Variants in LARP4B observed in about 807,000 individuals in gnomAD.
LARP4B encodes the protein La ribonucleoprotein 4B, also known as la-related protein 4B.
A neutral mutation model predicts 89.8 loss-of-function variants in LARP4B; 12 were observed. That is an observed-to-expected ratio of 0.13 (90% CI 0.09 to 0.22). LARP4B has a LOEUF of 0.22. LARP4B is among the 10% of genes least tolerant of loss of function. The pLI is 1.00. For synonymous variants in LARP4B, 367 were observed against 363.3 expected, an observed-to-expected ratio of 1.01 and a Z score of -0.12; for missense variants, 757 against 947.7, an observed-to-expected ratio of 0.80 and a Z score of 2.64.
chr10:861,098 G>T (rs552890223), intron 5 of LARP4B, among the ~76,000 whole-genome samples: 17 of 152,272 alleles, frequency 1.1e-4, no homozygotes, highest in East Asian at 5.8e-4. Flanking sequence ...GGAGGTTGCA[G>T]TGAGCCGAGA....
chr10:894,191 C>T (rs1836123100), intron 1 of LARP4B, among the ~76,000 whole-genome samples: 1 of 152,116 alleles, frequency 6.6e-6, no homozygotes, highest in Non-Finnish European at 1.5e-5. Context: ...TAAAACTGGG[C>T]CTCTAGGCAT....
chr10:877,680 G>C (rs1835511361), intron 3 of LARP4B, among the ~76,000 whole-genome samples: 1 of 152,186 alleles, frequency 6.6e-6, no homozygotes, highest in South Asian at 2.1e-4. Context: ...AGGAATTTAT[G>C]AGTAAACGGA....
chr10:938,960 C>T, the LARP4B span, among the ~76,000 whole-genome samples: 3 of 152,236 alleles, frequency 2.0e-5, no homozygotes, highest in South Asian at 2.1e-4. Flanking sequence ...GGACAAGTGG[C>T]GTGGTGAAAA....
the LARP4B span, among the ~76,000 whole-genome samples, chr10:941,461 C>A: frequency 6.6e-6 from 1 of 151,862 alleles, no homozygotes; most frequent in African/African-American, 2.4e-5. Flanking sequence ...TTACAGGCGC[C>A]TGCCACCATG....
At position 809,532 on chromosome 10, in the gene LARP4B, A is replaced by T. The variant is rs188098576; in HGVS notation, c.*3394T>A. 4 of 152,400 alleles carry T rather than the reference A, an allele frequency of 2.6e-5. No homozygotes were observed. The highest frequency in any genetic ancestry group is 1.3e-4 in the Admixed American group (2 of 15,302). 9.4% of individuals were successfully genotyped at this position (152,400 alleles called of 1,614,324 possible). A position where few individuals can be genotyped will look rare whatever the true frequency, so the allele number is the denominator to read the frequency against. ...AAGAAATTTTAATTTAAAAAAAATCAAAAGAAAAATTGAACAGTGCCTAAA... is the reference window on the plus strand; with the variant it reads ...AAGAAATTTTAATTTAAAAAAAATCTAAAGAAAAATTGAACAGTGCCTAAA... On this transcript the variant is annotated 3_prime_UTR_variant, in exon 18 of 18. Coordinates refer to ENST00000316157, the MANE Select transcript of LARP4B (RefSeq NM_015155.3).
chr10:917,441 A>G (rs189854979), intron 1 of LARP4B, among the ~76,000 whole-genome samples: 184 of 152,354 alleles, frequency 1.2e-3, no homozygotes, highest in African/African-American at 4.2e-3. Flanking sequence ...CACAATTAAG[A>G]CACTGGTTAT....
Position 920,847 on chromosome 10 carries a change from A to G in LARP4B, c.-40+10581T>C, listed in dbSNP as rs116474248. The stretch of plus-strand genomic sequence containing the variant: ...AGACTGATAACGATGGAACTGATAA[A>G]AAGAAAACACTCCATGCAACTGGGT... On this transcript the variant is annotated intron_variant, in intron 1 of 17. Coordinates refer to ENST00000316157, the MANE Select transcript of LARP4B (RefSeq NM_015155.3). Among the ~76,000 whole-genome samples the G allele has an allele frequency of 4.7e-3, 709 of 152,334 alleles. 4 individuals carry two copies. Among genetic ancestry groups the G allele is most frequent in the African/African-American group, 0.016 (681 of 41,560 alleles).
intron 1 of LARP4B, among the ~76,000 whole-genome samples, chr10:917,456 C>T (rs926899911): frequency 2.0e-5 from 3 of 152,178 alleles, no homozygotes; most frequent in Non-Finnish European, 4.4e-5. Context: ...GGTTATTCTA[C>T]CGACACTCTT....
At chr10:976,566 G>A in the LARP4B span, among the ~76,000 whole-genome samples, 1 of 133,532 alleles carries the variant, frequency 7.5e-6, no homozygotes, top group African/African-American at 2.9e-5. Context: ...GTAATGTGTG[G>A]CCGGCCTAGT....
intron 8 of LARP4B, among the ~76,000 whole-genome samples, chr10:833,295 T>C (rs28463752): frequency 0.018 from 1,690 of 93,276 alleles, 33 homozygotes; most frequent in African/African-American, 0.059. Context: ...CCTCAAAATG[T>C]TTGAAGAAAG....
intron 8 of LARP4B, among the ~76,000 whole-genome samples, chr10:833,337 C>T (rs1411662024): frequency 2.1e-5 from 3 of 142,700 alleles, no homozygotes; most frequent in African/African-American, 7.8e-5. Flanking sequence ...GCATACAAAG[C>T]CGTCCTGGGC....
At chr10:973,637 C>A in the LARP4B span, among the ~76,000 whole-genome samples, 4 of 152,128 alleles carry the variant, frequency 2.6e-5, no homozygotes, top group African/African-American at 9.7e-5. Flanking sequence ...AGGTGTGAGC[C>A]ACTGCGCCTG....
downstream of LARP4B, chr10:808,531 G>C (rs963767281): frequency 6.6e-6 from 1 of 152,130 alleles, no homozygotes; most frequent in African/African-American, 2.4e-5. Context: ...AGAGACCCTA[G>C]AGACCCCAGG....
At chr10:857,500 C>T (rs1169603612) in intron 5 of LARP4B, among the ~76,000 whole-genome samples, 1 of 152,204 alleles carries the variant, frequency 6.6e-6, no homozygotes. Context: ...GTTTTATGTC[C>T]TTGAGAGCTT....
In LARP4B at chr10:831,042, T is replaced by C. The variant is rs919570641; in HGVS notation, c.751-65A>G. On this transcript the variant is annotated intron_variant, in intron 8 of 17. Transcript: ENST00000316157. The stretch of plus-strand genomic sequence containing the variant: ...TGTCAGTTTTTGTCCTCACCAAAAA[T>C]TTTTTTAACAAATGCATTCTCTTAA... 3 of 674,134 alleles carry C rather than the reference T, an allele frequency of 4.5e-6. No individual in the cohort carries two copies. In the East Asian group the frequency reaches 8.5e-5, roughly 19 times the overall value. 41.8% of individuals were successfully genotyped at this position (674,134 alleles called of 1,614,324 possible). A position where few individuals can be genotyped will look rare whatever the true frequency, so the allele number is the denominator to read the frequency against.
At chr10:834,320 A>G (rs1833082618) in intron 8 of LARP4B, among the ~76,000 whole-genome samples, 1 of 152,256 alleles carries the variant, frequency 6.6e-6, no homozygotes, top group Admixed American at 6.5e-5. Flanking sequence ...TTTAAAGTCA[A>G]ACAATAATAC....
Position 814,974 on chromosome 10 carries a change from G to C in LARP4B, c.1792C>G (p.Arg598Gly). The change falls in exon 16 of 18, where the codon CGA (arginine) becomes GGA (glycine). Residue 598 changes from arginine (R) to glycine (G), a missense_variant. Physicochemically the swap from Arg to Gly is moderately radical, Grantham distance 125. Around this residue, in one of 5 missense-constraint regions of LARP4B, gnomAD observed 387 missense variants for 423.6 expected, o/e 0.91. Transcript: ENST00000316157. The surrounding 1 kb of genome is among the most constrained non-coding windows in gnomAD (Gnocchi z 4.4). ...ASCAVSATYE[R>G]SPSPAHLPDD... is the part of the protein sequence containing the mutation. ...GGTAAATGAGCTGGGGAGGGGGATC[G>C]CTCGTACGTTGCTGATACAGCACAA... 1 of 1,604,508 alleles carries C rather than the reference G, an allele frequency of 6.2e-7. No individual in the cohort carries two copies. Among genetic ancestry groups the C allele is most frequent in the Non-Finnish European group, 8.5e-7 (1 of 1,174,052 alleles).
intron 15 of LARP4B, among the ~76,000 whole-genome samples, chr10:816,390 A>G (rs1369804878): frequency 6.6e-6 from 1 of 152,164 alleles, no homozygotes; most frequent in Non-Finnish European, 1.5e-5. Flanking sequence ...CCTCCACCCC[A>G]CTTTGAAACC....
At chr10:909,087 G>C (rs1185076853) in intron 1 of LARP4B, among the ~76,000 whole-genome samples, 1 of 152,140 alleles carries the variant, frequency 6.6e-6, no homozygotes. Context: ...AAGGTCAGGA[G>C]ATCAAGATCA....
Sources: gnomAD v4.1 joint callset for allele counts (sites outside exome capture counted in the v4.1 genomes callset) on GRCh38, gnomAD v4.1.1 for gene constraint, gnomAD v4.1.1 regional missense constraint, Gnocchi (gnomAD v3.1) non-coding constraint, MANE v1.5 for transcripts, NCBI Gene and HGNC (gene_info 2026-07-23, HGNC 2026-07-21) for gene names.